FBRSL1: variants seen among roughly 807,000 people sequenced by gnomAD.
FBRSL1 encodes the protein fibrosin-1-like protein.
In FBRSL1, 51 loss-of-function variants were observed where a neutral mutation model predicts 89.6. The observed-to-expected ratio is 0.57, with a 90% CI of 0.45 to 0.72. The LOEUF (loss-of-function observed/expected upper bound fraction) is 0.72, where lower values mean the gene tolerates loss of function less well. FBRSL1 is among the 30% of genes least tolerant of loss of function. The pLI is 0.00. For missense variants in FBRSL1, 1,618 were observed against 1,451.8 expected (o/e 1.11, Z -1.86); for synonymous variants, 779 against 681.1 (o/e 1.14, Z -2.24).
chr12:132,536,819 A>G (rs1387855059), intron 4 of FBRSL1, among the ~76,000 whole-genome samples: 1 of 152,190 alleles, frequency 6.6e-6, no homozygotes, highest in Non-Finnish European at 1.5e-5. Flanking sequence ...GTACATGCGT[A>G]CGTATAACTG....
intron 5 of FBRSL1, chr12:132,550,966 G>A (rs774168875): frequency 6.5e-5 from 15 of 231,894 alleles, no homozygotes; most frequent in Admixed American, 4.4e-4. Flanking sequence ...ACACAGAGGC[G>A]TAGGCAGGTG....
chr12:132,514,589 G>A (rs988394418), intron 2 of FBRSL1, among the ~76,000 whole-genome samples: 2 of 152,114 alleles, frequency 1.3e-5, no homozygotes, highest in Non-Finnish European at 2.9e-5. Flanking sequence ...AGCTGTGGGG[G>A]GACTCCGAGG....
chr12:132,580,562 T>C (rs1285559837), intron 15 of FBRSL1, among the ~76,000 whole-genome samples: 1 of 152,246 alleles, frequency 6.6e-6, no homozygotes, highest in Non-Finnish European at 1.5e-5. Context: ...CATCTCCTCC[T>C]GCACACGCTT....
intron 9 of FBRSL1, 129 bp downstream of exon 9, chr12:132,571,360 G>C (rs1258244573): frequency 6.4e-7 from 1 of 1,550,422 alleles, no homozygotes; most frequent in African/African-American, 1.4e-5. Flanking sequence ...GCAGAGCGCC[G>C]AGCGGCCTGG....
rs570675655 is a variant in FBRSL1, at chr12:132,548,421, G to A, written c.645+389G>A. Among the ~76,000 whole-genome samples the A allele has an allele frequency of 5.7e-4, 86 of 152,186 alleles. 1 individual carries two copies. Among genetic ancestry groups the A allele is most frequent in the Non-Finnish European group, 1.1e-3 (77 of 68,008 alleles). The stretch of plus-strand genomic sequence containing the variant: ...TCAGTCCTGAGGGAGCAGGGGCAGA[G>A]CCCAGCCCCCACCCTAAACCCGGTG... On this transcript the variant is annotated intron_variant, in intron 5 of 18. Transcript: ENST00000680143.
At chr12:132,527,406 GA>G (rs1171332553) in intron 3 of FBRSL1, among the ~76,000 whole-genome samples, 1 of 152,208 alleles carries the variant, frequency 6.6e-6, no homozygotes, top group Non-Finnish European at 1.5e-5. Flanking sequence ...TGCTGCAGGG[GA>G]GCCTCAGACT....
chr12:132,525,800 A>G lies in FBRSL1; in HGVS notation c.556A>G (p.Ser186Gly). The change falls in exon 3 of 19, where the codon AGC (serine) becomes GGC (glycine). Residue 186 changes from serine to glycine, a missense_variant. Transcript: ENST00000680143. ...CGACGACAGCGTCCTCGAAGCCACC[A>G]GCTCCCGGGACCCGCTCAGCGATGT... ...SDDDSVLEAT[S>G]SRDPLSDSSA... 1 of 1,549,756 alleles carries G rather than the reference A, an allele frequency of 6.5e-7. No homozygotes were observed.
At chr12:132,511,113 C>G in intron 2 of FBRSL1, 1 of 985,542 alleles carries the variant, frequency 1.0e-6, no homozygotes, top group East Asian at 1.1e-4. Flanking sequence ...GTGTCCACCT[C>G]CAGGGCCCCC....
intron 6 of FBRSL1, 139 bp downstream of exon 6, chr12:132,567,665 G>T (rs1457457670): frequency 2.3e-6 from 2 of 880,518 alleles, no homozygotes; most frequent in African/African-American, 1.7e-5. Flanking sequence ...TGGGACCAGG[G>T]TGCTGGGATT....
At position 132,508,171 on chromosome 12, in the gene FBRSL1, C is replaced by T. The variant is rs750237368; in HGVS notation, c.310C>T (p.Pro104Ser). 2 of 1,551,214 alleles carry T rather than the reference C, an allele frequency of 1.3e-6. No homozygotes were observed. Among genetic ancestry groups the T allele is most frequent in the South Asian group, 1.2e-5 (1 of 84,068 alleles). ...EALEKDMALK[P>S]HERKEKWERR... ...CCTGCAGAAGGATATGGCCCTGAAGCCACATGAGCGGAAGGAGAAGTGGGA... is the reference window on the plus strand; with the variant it reads ...CCTGCAGAAGGATATGGCCCTGAAGTCACATGAGCGGAAGGAGAAGTGGGA... Residue 104 changes from proline (P) to serine (S), a missense_variant, in exon 2 of 19, where the codon CCA becomes TCA. Transcript: ENST00000680143.
intron 6 of FBRSL1, among the ~76,000 whole-genome samples, chr12:132,569,668 G>A (rs532034208): frequency 2.0e-5 from 3 of 152,304 alleles, no homozygotes; most frequent in African/African-American, 4.8e-5. Context: ...TGCGTCTTCG[G>A]GCAGGTGGGC....
At chr12:132,529,377 G>A (rs899266220) in intron 4 of FBRSL1, among the ~76,000 whole-genome samples, 1 of 152,200 alleles carries the variant, frequency 6.6e-6, no homozygotes, top group African/African-American at 2.4e-5. Context: ...GCCAGGAGTG[G>A]ACCCCAGGAT....
chr12:132,543,440 C>T (rs1326782864), intron 4 of FBRSL1, among the ~76,000 whole-genome samples: 1 of 152,184 alleles, frequency 6.6e-6, no homozygotes, highest in African/African-American at 2.4e-5. Context: ...GCATTCGACA[C>T]CCCAGGGCTG....
intron 4 of FBRSL1, among the ~76,000 whole-genome samples, chr12:132,542,346 C>T (rs889507460): frequency 3.9e-5 from 6 of 152,258 alleles, no homozygotes; most frequent in Non-Finnish European, 8.8e-5. Flanking sequence ...GCAGCTCGGC[C>T]TCTCACCCGA....
intron 1 of FBRSL1, chr12:132,507,453 C>T (rs2033819966): frequency 1.0e-6 from 1 of 982,798 alleles, no homozygotes; most frequent in Non-Finnish European, 1.2e-6. Context: ...GCCCGATGTC[C>T]ACCGGCAGGG....
Position 132,510,480 on chromosome 12 carries a change from G to T in FBRSL1, c.489+2130G>T, listed in dbSNP as rs1407938810. ...GGCACCTCCCCATATGGGTTTTCCAGCCCACTCCAGTGTGATCTGCACCCT... is the reference window on the plus strand; with the variant it reads ...GGCACCTCCCCATATGGGTTTTCCATCCCACTCCAGTGTGATCTGCACCCT... On this transcript the variant is annotated intron_variant, in intron 2 of 18. Coordinates refer to ENST00000680143, the MANE Select transcript of FBRSL1 (RefSeq NM_001367871.1). 5 of 1,231,878 alleles carry T rather than the reference G, an allele frequency of 4.1e-6. No homozygotes were observed. In the Admixed American group the frequency reaches 1.7e-4, roughly 42 times the overall value. The allele number at this position is 1,231,878 out of a possible 1,614,324, so 76.3% of individuals were successfully genotyped here. A position where few individuals can be genotyped will look rare whatever the true frequency, so the allele number is the denominator to read the frequency against.
At chr12:132,524,629 C>G (rs961834430) in intron 2 of FBRSL1, among the ~76,000 whole-genome samples, 4 of 152,210 alleles carry the variant, frequency 2.6e-5, no homozygotes, top group Admixed American at 1.3e-4. Flanking sequence ...CACCAGGGGC[C>G]CTGGCATGCG....
intron 4 of FBRSL1, among the ~76,000 whole-genome samples, chr12:132,530,876 T>A (rs2036208680): frequency 6.6e-6 from 1 of 151,976 alleles, no homozygotes; most frequent in Admixed American, 6.5e-5. Context: ...CATACCTGTT[T>A]CAGACCCTGG....
chr12:132,555,338 C>T (rs916147750), intron 5 of FBRSL1, among the ~76,000 whole-genome samples: 1 of 149,986 alleles, frequency 6.7e-6, no homozygotes, highest in Admixed American at 6.6e-5. Context: ...CCGCCCCACC[C>T]GAGCGTGAGC....
Sources: allele counts gnomAD v4.1 joint callset (sites outside exome capture counted in the v4.1 genomes callset), GRCh38; gene constraint gnomAD v4.1.1; transcripts MANE v1.5; gene names NCBI Gene and HGNC (gene_info 2026-07-23, HGNC 2026-07-21).